FRMD6: variants seen among roughly 807,000 people sequenced by gnomAD.
FRMD6 encodes FERM domain-containing protein 6.
A neutral mutation model predicts 73.2 loss-of-function variants in FRMD6; 37 were observed. The ratio of observed to expected loss-of-function variants is 0.51; its 90% CI spans 0.39 to 0.66. The LOEUF (loss-of-function observed/expected upper bound fraction) is 0.66. Ranked by LOEUF, FRMD6 falls within the 30% of genes least tolerant of loss-of-function variation. The pLI, the probability that FRMD6 is intolerant of heterozygous loss-of-function variation, is 0.00. For missense variants in FRMD6, 714 were observed against 780.5 expected (o/e 0.91, Z 1.02); for synonymous variants, 273 against 282.2 (o/e 0.97, Z 0.33).
the FRMD6 span, among the ~76,000 whole-genome samples, chr14:51,408,404 T>G: frequency 6.6e-6 from 1 of 152,164 alleles, no homozygotes; most frequent in African/African-American, 2.4e-5. Context: ...CTGCTTGAAT[T>G]TATGTTAACA....
In FRMD6 at chr14:51,622,395, G is replaced by A. The variant is rs181740107; in HGVS notation, c.-147+51985G>A. 1.8e-3 allele frequency among the ~76,000 whole-genome samples: 278 copies of A among 152,234 alleles called. 1 individual carries two copies. The highest frequency in any genetic ancestry group is 2.4e-3 in the Non-Finnish European group (162 of 68,020). On this transcript the variant is annotated intron_variant, in intron 2 of 14. Coordinates refer to the FRMD6 transcript ENST00000356218. ...TCTGACCCTCACTATATTTATACCA[G>A]TGAAATTAGGATAAAATGGTCACTA... is the stretch of plus-strand genomic sequence containing the variant.
At chr14:51,528,024 C>A (rs1397235425) in intron 1 of FRMD6, among the ~76,000 whole-genome samples, 1 of 152,136 alleles carries the variant, frequency 6.6e-6, no homozygotes, top group Non-Finnish European at 1.5e-5. Flanking sequence ...TGCCTGTGGT[C>A]CCAGCTACTC....
At chr14:51,699,332 G>A (rs1236859220) in intron 3 of FRMD6, among the ~76,000 whole-genome samples, 1 of 152,034 alleles carries the variant, frequency 6.6e-6, no homozygotes, top group Non-Finnish European at 1.5e-5. Context: ...CGTTCTTTCA[G>A]GGAAGAGTCT....
intron 1 of FRMD6, among the ~76,000 whole-genome samples, chr14:51,679,558 T>C (rs916561303): frequency 3.4e-5 from 2 of 59,302 alleles, no homozygotes; most frequent in Non-Finnish European, 7.3e-5. Flanking sequence ...TTGTTTTCTT[T>C]TTTTTTTTTT....
Position 51,702,514 on chromosome 14 carries a change from TATC to T in FRMD6, c.298_300del (p.Ile100del). On this transcript the variant is annotated inframe_deletion, in exon 5 of 14. Transcript: ENST00000344768. ...TTTGTGTGTGCTTTTGTTTCTAGGGTATCGACCAATTTGGGCCTCCTATGATCA... is the reference window on the plus strand; with the variant it reads ...TTTGTGTGTGCTTTTGTTTCTAGGGTGACCAATTTGGGCCTCCTATGATCA... 1 of 1,611,266 alleles carries T rather than the reference TATC, an allele frequency of 6.2e-7. No individual in the cohort carries two copies. Among genetic ancestry groups the T allele is most frequent in the Non-Finnish European group, 8.5e-7 (1 of 1,178,092 alleles).
the FRMD6 span, chr14:51,436,148 A>G: frequency 3.8e-6 from 1 of 261,752 alleles, no homozygotes; most frequent in Non-Finnish European, 7.4e-6. Flanking sequence ...TGAAGAAGGG[A>G]GAAGAAGAGC....
the FRMD6 span, among the ~76,000 whole-genome samples, chr14:51,428,354 A>G: frequency 6.6e-6 from 1 of 152,138 alleles, no homozygotes; most frequent in Admixed American, 6.6e-5. Flanking sequence ...GCCATGTACA[A>G]GTGACTTCTG....
chr14:51,401,543 A>C, the FRMD6 span, among the ~76,000 whole-genome samples: 1 of 152,204 alleles, frequency 6.6e-6, no homozygotes, highest in African/African-American at 2.4e-5. Context: ...GGATCAGATC[A>C]GGTGATATCT....
chr14:51,704,712 A>G lies in FRMD6; in HGVS notation c.372-37A>G, dbSNP rs766315356. ...TGTTTACATGTCATTGGATTATTCC[A>G]TCAAAATGTGAGTTCTGTTTTCTTT... On this transcript the variant is annotated intron_variant, in intron 5 of 13. Transcript: ENST00000344768. 4 of 1,555,036 alleles carry G rather than the reference A, an allele frequency of 2.6e-6. No homozygotes were observed. In the Admixed American group the frequency reaches 6.9e-5, roughly 27 times the overall value.
chr14:51,538,530 T>C (rs1057023344), intron 1 of FRMD6, among the ~76,000 whole-genome samples: 1 of 152,232 alleles, frequency 6.6e-6, no homozygotes, highest in African/African-American at 2.4e-5. Flanking sequence ...ATAGTTTTAA[T>C]GCTTGTATTT....
intron 1 of FRMD6, among the ~76,000 whole-genome samples, chr14:51,558,210 T>G (rs1299781573): frequency 2.6e-5 from 4 of 152,156 alleles, no homozygotes; most frequent in African/African-American, 9.7e-5. Flanking sequence ...GGCTCACACC[T>G]GTAATCCTAG....
chr14:51,602,879 C>T (rs928594009), intron 2 of FRMD6, among the ~76,000 whole-genome samples: 1 of 152,160 alleles, frequency 6.6e-6, no homozygotes, highest in African/African-American at 2.4e-5. Flanking sequence ...TTCATGCTAA[C>T]CATGTGGTAC....
intron 1 of FRMD6, among the ~76,000 whole-genome samples, chr14:51,535,188 A>T (rs1284924937): frequency 1.3e-5 from 2 of 152,216 alleles, no homozygotes; most frequent in African/African-American, 4.8e-5. Context: ...ACTTAAAAAA[A>T]ATAGCTTATT....
intron 2 of FRMD6, among the ~76,000 whole-genome samples, chr14:51,607,146 C>G (rs1368493265): frequency 1.3e-5 from 2 of 152,150 alleles, no homozygotes; most frequent in Admixed American, 1.3e-4. Flanking sequence ...CAACACAGTG[C>G]TTTACCAGGT....
At chr14:51,660,874 A>T (rs1893174264) in intron 1 of FRMD6, among the ~76,000 whole-genome samples, 1 of 152,116 alleles carries the variant, frequency 6.6e-6, no homozygotes, top group Admixed American at 6.6e-5. Flanking sequence ...AGCTGGGGGA[A>T]AAGTGTTGCA....
chr14:51,485,108 G>T (rs1882737861), upstream of FRMD6, among the ~76,000 whole-genome samples: 1 of 152,228 alleles, frequency 6.6e-6, no homozygotes, highest in Non-Finnish European at 1.5e-5. Flanking sequence ...AAGCTCAAAA[G>T]TGTCTGTGGA....
At chr14:51,695,361 C>A (rs1201341096) in intron 2 of FRMD6, among the ~76,000 whole-genome samples, 1 of 152,056 alleles carries the variant, frequency 6.6e-6, no homozygotes, top group African/African-American at 2.4e-5. Context: ...AATCCAGAGG[C>A]CTTTTAAAGT....
intron 1 of FRMD6, among the ~76,000 whole-genome samples, chr14:51,679,891 T>C (rs1321082280): frequency 6.6e-6 from 1 of 152,230 alleles, no homozygotes; most frequent in Admixed American, 6.5e-5. Flanking sequence ...CCTATTGTCA[T>C]TAGCCTTTGC....
chr14:51,725,827 C>T lies in FRMD6; in HGVS notation c.1541C>T (p.Thr514Ile). The T allele has an allele frequency of 6.2e-7, 1 of 1,613,834 alleles. No homozygotes were observed. Among genetic ancestry groups the T allele is most frequent in the Non-Finnish European group, 8.5e-7 (1 of 1,179,834 alleles). Residue 514 changes from threonine (T) to isoleucine (I), a missense_variant, in exon 13 of 14, where the codon ACA (threonine) becomes ATA (isoleucine). Physicochemically the swap from Thr to Ile is moderately conservative, Grantham distance 89. Coordinates refer to ENST00000344768, the MANE Select transcript of FRMD6 (RefSeq NM_001267046.2). ...IGSSTSSSSE[T>I]VVKLRGQSTD... ...TCTTCCACCTCGAGCTCTTCAGAAA[C>T]AGTTGTTAAGCTTCGTGGCCAGAGT...
Sources: allele counts gnomAD v4.1 joint callset (sites outside exome capture counted in the v4.1 genomes callset), GRCh38; gene constraint gnomAD v4.1.1; transcripts MANE v1.5; gene names NCBI Gene and HGNC (gene_info 2026-07-23, HGNC 2026-07-21).